Variants in SHLD2 observed in about 807,000 individuals in gnomAD.
SHLD2 encodes the protein shieldin complex subunit 2, also known as RINN1-REV7-interacting novel NHEJ regulator 2.
In SHLD2, 30 loss-of-function variants were observed where a neutral mutation model predicts 73.2. The observed-to-expected ratio is 0.41, with a 90% confidence interval of 0.31 to 0.56. The LOEUF is 0.56. Ranked by LOEUF, SHLD2 falls within the 20% of genes least tolerant of loss-of-function variation. The pLI is 0.28. For synonymous variants in SHLD2, 285 were observed against 370.1 expected (o/e 0.77, Z 2.64); for missense variants, 745 against 1,055.9 (o/e 0.71, Z 4.08).
intron 2 of SHLD2, among the ~76,000 whole-genome samples, chr10:87,138,131 C>G (rs542179538): frequency 4.7e-4 from 71 of 152,064 alleles, no homozygotes; most frequent in Non-Finnish European, 9.6e-4. Flanking sequence ...AACCGCGTCT[C>G]TACTAAAAAT....
At chr10:87,138,387 C>A (rs1157408837) in intron 2 of SHLD2, among the ~76,000 whole-genome samples, 102 of 145,810 alleles carry the variant, frequency 7.0e-4, no homozygotes, top group African/African-American at 2.0e-3. Flanking sequence ...AAAAAAAAAA[C>A]AACCTGTTAA....
chr10:87,132,275 T>A (rs1396896201), intron 2 of SHLD2, among the ~76,000 whole-genome samples: 1 of 152,154 alleles, frequency 6.6e-6, no homozygotes, highest in African/African-American at 2.4e-5. Flanking sequence ...TTGGAAGGAT[T>A]ATATTTTAGG....
At chr10:87,148,814 C>T (rs770935153) in intron 2 of SHLD2, among the ~76,000 whole-genome samples, 30 of 151,120 alleles carry the variant, frequency 2.0e-4, no homozygotes, top group South Asian at 4.2e-4. Flanking sequence ...AAAGATCTGA[C>T]GGAGGAGAAT....
intron 2 of SHLD2, among the ~76,000 whole-genome samples, chr10:87,111,679 T>C (rs1264037003): frequency 6.8e-6 from 1 of 146,626 alleles, no homozygotes; most frequent in Non-Finnish European, 1.5e-5. Context: ...GGTTTCACCA[T>C]GTTGCCTAGA....
At chr10:87,185,467 CTGTT>C (rs1244482683) in intron 8 of SHLD2, among the ~76,000 whole-genome samples, 1 of 152,128 alleles carries the variant, frequency 6.6e-6, no homozygotes, top group Admixed American at 6.5e-5. Flanking sequence ...TGGTAACTGT[CTGTT>C]TAACCTTTTG....
intron 2 of SHLD2, among the ~76,000 whole-genome samples, chr10:87,120,440 G>T (rs1201571983): frequency 6.6e-6 from 1 of 151,710 alleles, no homozygotes; most frequent in African/African-American, 2.4e-5. Context: ...GTAGAGACAG[G>T]GTTTCACCGT....
chr10:87,190,450 G>A (rs746577798), intron 9 of SHLD2, 34 bp from the exon 10 acceptor site: 1 of 1,576,906 alleles, frequency 6.3e-7, no homozygotes, highest in African/African-American at 1.3e-5. Context: ...AGCTAGCAGC[G>A]ATCTTGGGAG....
Position 87,170,686 on chromosome 10 carries a change from C to T in SHLD2, c.1828+14C>T. Reference sequence around the variant, plus strand: ...CTATACTGACAGGTAAATATTTTGACTGCCTCCTTAATTTTAGATTATGAA... The same window carrying T: ...CTATACTGACAGGTAAATATTTTGATTGCCTCCTTAATTTTAGATTATGAA... On this transcript the variant is annotated intron_variant, in intron 5 of 9. Coordinates refer to ENST00000298786, the MANE Select transcript of SHLD2 (RefSeq NM_001330112.2). The T allele has an allele frequency of 6.3e-7, 1 of 1,596,016 alleles. No individual in the cohort carries two copies. Among genetic ancestry groups the T allele is most frequent in the Non-Finnish European group, 8.5e-7 (1 of 1,172,464 alleles).
intron 2 of SHLD2, among the ~76,000 whole-genome samples, chr10:87,109,305 T>C (rs1404132165): frequency 6.6e-6 from 1 of 152,006 alleles, no homozygotes; most frequent in African/African-American, 2.4e-5. Flanking sequence ...AATAAGATTT[T>C]TTTTTTTTTT....
chr10:87,150,305 T>A (rs529443797), intron 2 of SHLD2, among the ~76,000 whole-genome samples: 3 of 151,522 alleles, frequency 2.0e-5, no homozygotes, highest in African/African-American at 7.3e-5. Flanking sequence ...CCTCAAGTGA[T>A]CCACCCCCTT....
chr10:87,166,760 G>A (rs1847229499), intron 4 of SHLD2, among the ~76,000 whole-genome samples: 2 of 152,166 alleles, frequency 1.3e-5, no homozygotes, highest in African/African-American at 4.8e-5. Flanking sequence ...AAACAGCAGG[G>A]CATTTTAAGA....
rs560146822 is a variant in SHLD2, at chr10:87,176,802, A to C, written c.2170+707A>C. On this transcript the variant is annotated intron_variant, in intron 7 of 9. Transcript: ENST00000298786. ...AATACAGGCAGAAAACAAAGACAATACCTCTCAAAAAACCCAACTTTTAAT... is the reference window on the plus strand; with the variant it reads ...AATACAGGCAGAAAACAAAGACAATCCCTCTCAAAAAACCCAACTTTTAAT... 3.9e-3 allele frequency among the ~76,000 whole-genome samples: 587 copies of C among 152,312 alleles called. 3 individuals carry two copies. The highest frequency in any genetic ancestry group is 0.013 in the African/African-American group (524 of 41,574).
At chr10:87,121,780 T>TA (rs35114301) in intron 2 of SHLD2, among the ~76,000 whole-genome samples, 1 of 148,926 alleles carries the variant, frequency 6.7e-6, no homozygotes, top group South Asian at 2.1e-4. Flanking sequence ...TTTTTTTTTT[T>TA]AATTGAGATA....
rs1330134302 is a variant in SHLD2 at position 87,175,958 on chromosome 10, C to T, written c.2033C>T (p.Thr678Ile). 1 of 1,550,456 alleles carries T rather than the reference C, an allele frequency of 6.4e-7. No individual in the cohort carries two copies. The highest frequency in any genetic ancestry group is 2.4e-5 in the East Asian group (1 of 40,894). The change falls in exon 7 of 10, where the codon ACA becomes ATA. Residue 678 changes from threonine to isoleucine, a missense_variant. Coordinates refer to ENST00000298786, the MANE Select transcript of SHLD2 (RefSeq NM_001330112.2). ...NYTLENLELH[T>I]TPWSSCECLF... ...ACACTAGAAAACCTAGAATTGCATA[C>T]AACGCCTTGGTCATCCTGTGAGTGC...
At chr10:87,176,288 G>A (rs1476862645) in intron 7 of SHLD2, among the ~76,000 whole-genome samples, 193 bp downstream of exon 7, 2 of 152,198 alleles carry the variant, frequency 1.3e-5, no homozygotes, top group Non-Finnish European at 2.9e-5. Flanking sequence ...CATACCATCA[G>A]TGCATGCCAC....
chr10:87,144,616 ATTTT>A (rs548218721), intron 2 of SHLD2, among the ~76,000 whole-genome samples: 5 of 89,494 alleles, frequency 5.6e-5, no homozygotes, highest in East Asian at 4.9e-4. Flanking sequence ...GCATTTACTA[ATTTT>A]TTTTTTTTTT....
chr10:87,168,048 C>T (rs1847327146), intron 4 of SHLD2, among the ~76,000 whole-genome samples: 1 of 152,280 alleles, frequency 6.6e-6, no homozygotes, highest in East Asian at 1.9e-4. Context: ...ATTAGTTCAG[C>T]CGCTGTTGAA....
At chr10:87,144,006 G>A (rs1416182840) in intron 2 of SHLD2, among the ~76,000 whole-genome samples, 1 of 152,012 alleles carries the variant, frequency 6.6e-6, no homozygotes, top group African/African-American at 2.4e-5. Context: ...GGGACTACAG[G>A]CACATGCCAC....
chr10:87,179,259 C>T (rs1271443989), intron 7 of SHLD2, among the ~76,000 whole-genome samples: 3 of 151,978 alleles, frequency 2.0e-5, no homozygotes, highest in East Asian at 1.9e-4. Flanking sequence ...ACCTGAGAAA[C>T]GATTAATAAA....
Sources: allele counts gnomAD v4.1 joint callset (sites outside exome capture counted in the v4.1 genomes callset), GRCh38; gene constraint gnomAD v4.1.1; transcripts MANE v1.5; gene names NCBI Gene and HGNC (gene_info 2026-07-23, HGNC 2026-07-21).